Variants in RARB observed in about 807,000 individuals in gnomAD.
RARB encodes retinoic acid receptor beta.
A neutral mutation model predicts 51.9 loss-of-function variants in RARB; 17 were observed. The observed-to-expected ratio is 0.33, with a 90% CI of 0.22 to 0.49. The LOEUF is 0.49. Ranked by LOEUF, RARB falls within the 20% of genes least tolerant of loss-of-function variation. The pLI is 0.99. For synonymous variants in RARB, 215 were observed against 195.4 expected (o/e 1.10, Z -0.84); for missense variants, 369 against 550.8 (o/e 0.67, Z 3.30).
chr3:24,857,251 A>G (rs914381951), intron 1 of RARB, among the ~76,000 whole-genome samples: 4 of 152,182 alleles, frequency 2.6e-5, no homozygotes, highest in Non-Finnish European at 5.9e-5. Flanking sequence ...CTCAGATGGG[A>G]GAACTGAGAG....
At chr3:25,417,690 C>T (rs1441128561) in intron 5 of RARB, among the ~76,000 whole-genome samples, 1 of 152,162 alleles carries the variant, frequency 6.6e-6, no homozygotes, top group Non-Finnish European at 1.5e-5. Context: ...TCTTTATCAG[C>T]AGCATGAAAA....
At chr3:25,320,397 C>T (rs1470232182) in intron 5 of RARB, among the ~76,000 whole-genome samples, 5 of 152,090 alleles carry the variant, frequency 3.3e-5, no homozygotes, top group Non-Finnish European at 7.4e-5. Flanking sequence ...TCTGGCTGAT[C>T]GTCTTTAGAG....
At chr3:24,982,385 A>T (rs190410137) in intron 2 of RARB, among the ~76,000 whole-genome samples, 1 of 152,234 alleles carries the variant, frequency 6.6e-6, no homozygotes. Context: ...TTCCTTCCAA[A>T]CCAGAGTGGA....
At chr3:25,339,806 A>C (rs1163185417) in intron 5 of RARB, among the ~76,000 whole-genome samples, 2 of 152,118 alleles carry the variant, frequency 1.3e-5, no homozygotes, top group African/African-American at 4.8e-5. Flanking sequence ...TCAACTAATC[A>C]CATATACTGC....
At chr3:25,562,187 C>T (rs545127083) in intron 3 of RARB, among the ~76,000 whole-genome samples, 4 of 151,820 alleles carry the variant, frequency 2.6e-5, no homozygotes, top group Admixed American at 1.3e-4. Flanking sequence ...TTTGGCACAG[C>T]GAAGAATTTC....
chr3:25,320,264 ACACCTT>A (rs1252401049), intron 5 of RARB, among the ~76,000 whole-genome samples: 3 of 152,000 alleles, frequency 2.0e-5, no homozygotes, highest in Non-Finnish European at 4.4e-5. Context: ...TTTTTTCCTT[ACACCTT>A]CATTATCTTC....
chr3:24,935,786 T>C lies in RARB; in HGVS notation c.-380+77034T>C, dbSNP rs149553024. ...ACTTGCTCATGTGATTACTCTAATA[T>C]GGCATAATCATAACTGAATTGCAAC... is the stretch of plus-strand genomic sequence containing the variant. On this transcript the variant is annotated intron_variant, in intron 2 of 11. Transcript: ENST00000383772. Among the ~76,000 whole-genome samples the C allele has an allele frequency of 7.0e-4, 107 of 152,282 alleles. 1 individual carries two copies. The East Asian group carries it at 0.02, about 29-fold the overall frequency.
intron 3 of RARB, among the ~76,000 whole-genome samples, chr3:25,093,317 T>G (rs1699235392): frequency 6.6e-6 from 1 of 152,186 alleles, no homozygotes; most frequent in Admixed American, 6.5e-5. Context: ...GTAGTATTTC[T>G]CAGAATGAAA....
intron 3 of RARB, among the ~76,000 whole-genome samples, chr3:25,115,499 T>G (rs1699670183): frequency 6.6e-6 from 1 of 152,144 alleles, no homozygotes; most frequent in African/African-American, 2.4e-5. Flanking sequence ...TAGTCAGCAT[T>G]TCTAATTATG....
intron 2 of RARB, among the ~76,000 whole-genome samples, chr3:24,929,420 T>C (rs1469985916): frequency 2.0e-5 from 3 of 152,078 alleles, no homozygotes; most frequent in Non-Finnish European, 4.4e-5. Context: ...TAAAGATGCG[T>C]TTTAAGGGGA....
chr3:25,456,960 A>G (rs1424328724), intron 1 of RARB, among the ~76,000 whole-genome samples: 18 of 152,084 alleles, frequency 1.2e-4, no homozygotes, highest in Admixed American at 9.8e-4. Context: ...TGGGATAAAT[A>G]AGGCCTATAG....
intron 2 of RARB, among the ~76,000 whole-genome samples, chr3:24,945,697 C>G (rs536945245): frequency 6.6e-6 from 1 of 152,334 alleles, no homozygotes; most frequent in Non-Finnish European, 1.5e-5. Context: ...ATTGCTGAAG[C>G]ATCTTTATAT....
intron 5 of RARB, among the ~76,000 whole-genome samples, chr3:25,237,191 C>T (rs1333306410): frequency 1.3e-5 from 2 of 152,048 alleles, no homozygotes; most frequent in East Asian, 1.9e-4. Context: ...AAACAATACT[C>T]ATTATGCTTT....
chr3:24,895,537 G>A (rs1703459955), intron 2 of RARB, among the ~76,000 whole-genome samples: 2 of 151,166 alleles, frequency 1.3e-5, no homozygotes, highest in Admixed American at 6.6e-5. Flanking sequence ...TGCACTCAGG[G>A]AATTAATGCA....
intron 1 of RARB, among the ~76,000 whole-genome samples, chr3:24,829,466 C>A (rs1702250712): frequency 6.6e-6 from 1 of 152,140 alleles, no homozygotes; most frequent in South Asian, 2.1e-4. Flanking sequence ...AAGCCCCTAG[C>A]GTCCCCGGAG....
intron 2 of RARB, among the ~76,000 whole-genome samples, chr3:24,995,151 C>G (rs1696994629): frequency 6.6e-6 from 1 of 151,766 alleles, no homozygotes; most frequent in Non-Finnish European, 1.5e-5. Flanking sequence ...TGTTTATATC[C>G]TCTTCAGTTT....
intron 5 of RARB, among the ~76,000 whole-genome samples, chr3:25,220,166 T>C (rs572307772): frequency 5.3e-5 from 8 of 152,314 alleles, no homozygotes; most frequent in African/African-American, 1.7e-4. Flanking sequence ...GACTATTTCA[T>C]TGCTAACTCA....
At chr3:25,338,260 C>G (rs1050873784) in intron 5 of RARB, among the ~76,000 whole-genome samples, 2 of 152,176 alleles carry the variant, frequency 1.3e-5, no homozygotes, top group Non-Finnish European at 2.9e-5. Context: ...CAGCAGGCAT[C>G]CCATGGGAGA....
intron 5 of RARB, chr3:25,259,993 C>G (rs1387064507): frequency 4.1e-6 from 4 of 985,232 alleles, no homozygotes; most frequent in Non-Finnish European, 4.8e-6. Flanking sequence ...GCCTTTTACT[C>G]TCCTCAGTTT....
Sources: allele counts gnomAD v4.1 joint callset (sites outside exome capture counted in the v4.1 genomes callset), GRCh38; gene constraint gnomAD v4.1.1; transcripts MANE v1.5; gene names NCBI Gene and HGNC (gene_info 2026-07-23, HGNC 2026-07-21).